The following ST8SIA1 variants were observed in gnomAD, a reference collection of about 807,000 sequenced individuals.
ST8SIA1 encodes ST8 alpha-N-acetyl-neuraminide alpha-2,8-sialyltransferase 1.
A neutral mutation model predicts 35.9 loss-of-function variants in ST8SIA1; 16 were observed. That is an observed-to-expected ratio of 0.45 (90% CI 0.30 to 0.68). The LOEUF (loss-of-function observed/expected upper bound fraction) is 0.68, where lower values mean the gene tolerates loss of function less well. ST8SIA1 is among the 30% of genes least tolerant of loss of function. The pLI is 0.09. For synonymous variants in ST8SIA1, 170 were observed against 169.6 expected (o/e 1.00, Z -0.02); for missense variants, 383 against 453.6 (o/e 0.84, Z 1.41).
intron 4 of ST8SIA1, among the ~76,000 whole-genome samples, chr12:22,241,014 T>C (rs1865534736): frequency 6.7e-6 from 1 of 149,156 alleles, no homozygotes; most frequent in South Asian, 2.1e-4. Flanking sequence ...GGTCTTGCTC[T>C]GTTGCCCAGG....
Position 22,334,398 on chromosome 12 carries a change from C to G in ST8SIA1, c.-166G>C. On this transcript the variant is annotated 5_prime_UTR_variant, in exon 1 of 5. Coordinates refer to ENST00000396037, the MANE Select transcript of ST8SIA1 (RefSeq NM_003034.4). ...CGGCCCCGTCGGCCCCAAAGGTCAG[C>G]GCAAGGATTTTTTCAAATGCAACTT... 1.6e-6 allele frequency: 1 copy of G among 611,384 alleles called. No individual in the cohort carries two copies. The highest frequency in any genetic ancestry group is 2.0e-5 in the South Asian group (1 of 50,102). The allele number at this position is 611,384 out of a possible 1,614,324, so 37.9% of individuals were successfully genotyped here. A position where few individuals can be genotyped will look rare whatever the true frequency, so the allele number is the denominator to read the frequency against.
intron 1 of ST8SIA1, among the ~76,000 whole-genome samples, chr12:22,317,391 T>G (rs1866534259): frequency 6.6e-6 from 1 of 152,248 alleles, no homozygotes; most frequent in Non-Finnish European, 1.5e-5. Context: ...TCACACAGTT[T>G]ATGAGAGCCA....
chr12:22,274,369 G>T (rs1865945365), intron 2 of ST8SIA1, among the ~76,000 whole-genome samples: 1 of 152,192 alleles, frequency 6.6e-6, no homozygotes, highest in Admixed American at 6.5e-5. Flanking sequence ...GATAACTTTT[G>T]CAGAATTCTA....
chr12:22,218,532 C>A (rs947075757), intron 4 of ST8SIA1, among the ~76,000 whole-genome samples: 1 of 138,560 alleles, frequency 7.2e-6, no homozygotes, highest in Non-Finnish European at 1.6e-5. Context: ...ACACAAGAAT[C>A]GCTTGAACCT....
In ST8SIA1 at chr12:22,199,561, C is replaced by A. The variant is rs916692067; in HGVS notation, c.*1991G>T. 3.3e-5 allele frequency: 5 copies of A among 152,066 alleles called. No homozygotes were observed. Among genetic ancestry groups the A allele is most frequent in the Admixed American group, 6.5e-5 (1 of 15,272 alleles). 9.4% of individuals were successfully genotyped at this position (152,066 alleles called of 1,614,324 possible). On this transcript the variant is annotated 3_prime_UTR_variant, in exon 5 of 5. Transcript: ENST00000396037. The stretch of plus-strand genomic sequence containing the variant: ...ATGTTTTTGCTGCCGTATAGCAAAC[C>A]AGTTCTCCAATAGCATCATTACTCT...
chr12:22,264,358 G>A (rs1484313645), intron 2 of ST8SIA1, among the ~76,000 whole-genome samples: 1 of 152,128 alleles, frequency 6.6e-6, no homozygotes, highest in Non-Finnish European at 1.5e-5. Flanking sequence ...CTGTACCCCA[G>A]TCACTTTATT....
chr12:22,321,983 T>C (rs1866608398), intron 1 of ST8SIA1, among the ~76,000 whole-genome samples: 1 of 152,226 alleles, frequency 6.6e-6, no homozygotes, highest in African/African-American at 2.4e-5. Context: ...CATGGGCTCA[T>C]GTATCTTTCA....
intron 1 of ST8SIA1, among the ~76,000 whole-genome samples, chr12:22,293,279 G>T (rs1866201806): frequency 6.6e-6 from 1 of 152,202 alleles, no homozygotes; most frequent in Non-Finnish European, 1.5e-5. Flanking sequence ...ATGGTGCTGA[G>T]AAATTATTTT....
intron 2 of ST8SIA1, among the ~76,000 whole-genome samples, chr12:22,265,072 A>G (rs920984896): frequency 3.3e-5 from 5 of 152,256 alleles, no homozygotes; most frequent in Admixed American, 3.3e-4. Flanking sequence ...GTGCCCATGC[A>G]GCAGATTTAT....
chr12:22,278,722 T>C (rs1191253572), intron 2 of ST8SIA1, among the ~76,000 whole-genome samples: 3 of 152,144 alleles, frequency 2.0e-5, no homozygotes, highest in East Asian at 1.9e-4. Flanking sequence ...TTCTTTTTCT[T>C]AGCAAAGAGT....
intron 4 of ST8SIA1, among the ~76,000 whole-genome samples, chr12:22,247,925 T>C (rs1865624257): frequency 6.6e-6 from 1 of 152,088 alleles, no homozygotes; most frequent in South Asian, 2.1e-4. Flanking sequence ...AAAATACTAA[T>C]AGTCAATACC....
chr12:22,225,158 G>A (rs1313400861), intron 4 of ST8SIA1, among the ~76,000 whole-genome samples: 1 of 152,140 alleles, frequency 6.6e-6, no homozygotes, highest in African/African-American at 2.4e-5. Flanking sequence ...CTGACACCTC[G>A]ATTTCAAAAT....
At chr12:22,333,737 T>C (rs947622069) in intron 1 of ST8SIA1, 1 of 658,360 alleles carries the variant, frequency 1.5e-6, no homozygotes. Context: ...TAAATAAAAC[T>C]CCGCTTTGGG....
intron 2 of ST8SIA1, among the ~76,000 whole-genome samples, chr12:22,268,269 C>T (rs1035555148): frequency 1.3e-5 from 2 of 152,196 alleles, no homozygotes; most frequent in Non-Finnish European, 2.9e-5. Flanking sequence ...AAGGAAATTG[C>T]TAAATGATCC....
chr12:22,218,173 A>C (rs1005535607), intron 4 of ST8SIA1, among the ~76,000 whole-genome samples: 1 of 151,858 alleles, frequency 6.6e-6, no homozygotes, highest in Non-Finnish European at 1.5e-5. Context: ...AAAATACAAA[A>C]ATTAGCCAGG....
chr12:22,330,214 C>T (rs1426715622), intron 1 of ST8SIA1, among the ~76,000 whole-genome samples: 4 of 152,304 alleles, frequency 2.6e-5, no homozygotes, highest in South Asian at 2.1e-4. Context: ...CTCTGAAACC[C>T]GATTTCCCTC....
At chr12:22,267,075 GT>G in intron 2 of ST8SIA1, among the ~76,000 whole-genome samples, 1 of 152,156 alleles carries the variant, frequency 6.6e-6, no homozygotes, top group Non-Finnish European at 1.5e-5. Flanking sequence ...CATTTGGCAA[GT>G]ATTTATTGAG....
rs745863265 is a variant in ST8SIA1 at position 22,320,992 on chromosome 12, A to AAAG, written c.236+13002_236+13004dup. ...GAAAGAAAGAAAGAAAGAAAGAAAG[A>AAAG]AAGAAAGAAAGAAGAAAGAAAGAAA... On this transcript the variant is annotated intron_variant, in intron 1 of 4. Coordinates refer to ENST00000396037, the MANE Select transcript of ST8SIA1 (RefSeq NM_003034.4). 5.5e-3 allele frequency among the ~76,000 whole-genome samples: 616 copies of AAAG among 112,162 alleles called. 1 individual carries two copies. The highest frequency in any genetic ancestry group is 0.011 in the East Asian group (40 of 3,606). The allele number at this position is 112,162 out of a possible 152,430, so 73.6% of individuals were successfully genotyped here.
chr12:22,251,441 A>G (rs1247332203), intron 3 of ST8SIA1, among the ~76,000 whole-genome samples: 1 of 152,216 alleles, frequency 6.6e-6, no homozygotes, highest in Non-Finnish European at 1.5e-5. Flanking sequence ...ATAACATTTT[A>G]TATGAATTTT....
Sources: allele counts gnomAD v4.1 joint callset (sites outside exome capture counted in the v4.1 genomes callset), GRCh38; gene constraint gnomAD v4.1.1; transcripts MANE v1.5; gene names NCBI Gene and HGNC (gene_info 2026-07-23, HGNC 2026-07-21).